The following PKIA variants were observed in gnomAD, a reference collection of about 807,000 sequenced individuals.
The protein encoded by PKIA is cAMP-dependent protein kinase inhibitor alpha.
In PKIA, 4 loss-of-function variants were observed where a neutral mutation model predicts 7.6. The observed-to-expected ratio is 0.52, with a 90% confidence interval of 0.26 to 1.20. The LOEUF (loss-of-function observed/expected upper bound fraction) is 1.20, where lower values mean the gene tolerates loss of function less well. PKIA is among the 50% of genes most tolerant of loss of function. PKIA has a pLI of 0.13. For synonymous variants in PKIA, 21 were observed against 30.7 expected (o/e 0.68, Z 1.04); for missense variants, 73 against 86.2 (o/e 0.85, Z 0.61).
At chr8:78,523,075 T>C (rs1194770303) in intron 1 of PKIA, among the ~76,000 whole-genome samples, 1 of 151,892 alleles carries the variant, frequency 6.6e-6, no homozygotes, top group Non-Finnish European at 1.5e-5. Flanking sequence ...ACAGAAGGCT[T>C]GCTGGAGATT....
intron 1 of PKIA, among the ~76,000 whole-genome samples, chr8:78,545,973 T>C (rs1304908262): frequency 6.6e-6 from 1 of 152,200 alleles, no homozygotes; most frequent in Non-Finnish European, 1.5e-5. Context: ...CCATTCTGTT[T>C]GAATTTAGAT....
chr8:78,579,972 A>G (rs920351553), intron 2 of PKIA, among the ~76,000 whole-genome samples: 1 of 151,996 alleles, frequency 6.6e-6, no homozygotes, highest in African/African-American at 2.4e-5. Flanking sequence ...CACCAGTGGT[A>G]TGCAATTGAG....
At chr8:78,568,945 G>A (rs1807484260) in intron 1 of PKIA, among the ~76,000 whole-genome samples, 1 of 152,104 alleles carries the variant, frequency 6.6e-6, no homozygotes, top group Non-Finnish European at 1.5e-5. Flanking sequence ...TCCCCCACCA[G>A]AGTTGTTGCA....
chr8:78,550,139 C>A (rs1490143974), intron 1 of PKIA, among the ~76,000 whole-genome samples: 1 of 151,978 alleles, frequency 6.6e-6, no homozygotes, highest in Non-Finnish European at 1.5e-5. Flanking sequence ...CTCAATTCTG[C>A]TGAAATAAAA....
Position 78,601,990 on chromosome 8 carries a change from G to A in PKIA, c.*169G>A. 1 of 592,402 alleles carries A rather than the reference G, an allele frequency of 1.7e-6. No homozygotes were observed. Among genetic ancestry groups the A allele is most frequent in the Non-Finnish European group, 3.0e-6 (1 of 335,500 alleles). 36.7% of individuals were successfully genotyped at this position (592,402 alleles called of 1,614,324 possible). A position where few individuals can be genotyped will look rare whatever the true frequency, so the allele number is the denominator to read the frequency against. ...ATGAGGGCAGAGGCTGTGGCTGCAG[G>A]CAGACTTTTCCCTACCTCTGTCATT... is the stretch of plus-strand genomic sequence containing the variant. On this transcript the variant is annotated 3_prime_UTR_variant, in exon 4 of 4. Coordinates refer to ENST00000396418, the MANE Select transcript of PKIA (RefSeq NM_006823.4).
At chr8:78,565,988 T>C (rs987201228) in intron 1 of PKIA, among the ~76,000 whole-genome samples, 1 of 152,002 alleles carries the variant, frequency 6.6e-6, no homozygotes, top group Admixed American at 6.6e-5. Flanking sequence ...AAAGATTTAA[T>C]TATTTAATAA....
At chr8:78,572,254 AAC>A (rs199857230) in intron 1 of PKIA, among the ~76,000 whole-genome samples, 17 of 151,064 alleles carry the variant, frequency 1.1e-4, no homozygotes, top group African/African-American at 2.7e-4. Context: ...GCCAAACACA[AAC>A]ACACACACAC....
At chr8:78,527,987 T>C (rs1806289857) in intron 1 of PKIA, among the ~76,000 whole-genome samples, 1 of 152,130 alleles carries the variant, frequency 6.6e-6, no homozygotes, top group Non-Finnish European at 1.5e-5. Context: ...CTTTGTGAAT[T>C]GTCAGATCTG....
chr8:78,523,080 G>C (rs1053131011), intron 1 of PKIA, among the ~76,000 whole-genome samples: 2 of 151,854 alleles, frequency 1.3e-5, no homozygotes, highest in African/African-American at 4.8e-5. Flanking sequence ...AGGCTTGCTG[G>C]AGATTGCATT....
intron 2 of PKIA, among the ~76,000 whole-genome samples, chr8:78,587,936 C>A (rs1807992324): frequency 6.6e-6 from 1 of 152,086 alleles, no homozygotes; most frequent in African/African-American, 2.4e-5. Flanking sequence ...GTTACTTAAA[C>A]AAGGAGGATC....
In PKIA at chr8:78,601,954, T is replaced by C. The variant is rs1808359484; in HGVS notation, c.*133T>C. 1 of 682,854 alleles carries C rather than the reference T, an allele frequency of 1.5e-6. No individual in the cohort carries two copies. Among genetic ancestry groups the C allele is most frequent in the Non-Finnish European group, 2.5e-6 (1 of 402,212 alleles). 42.3% of individuals were successfully genotyped at this position (682,854 alleles called of 1,614,324 possible). ...CTGCATTGCAGGAACCTGCTCATTA[T>C]CATGTTAAAAATGAGGGCAGAGGCT... On this transcript the variant is annotated 3_prime_UTR_variant, in exon 4 of 4. Transcript: ENST00000396418.
chr8:78,553,429 T>A (rs1807037673), intron 1 of PKIA, among the ~76,000 whole-genome samples: 1 of 151,610 alleles, frequency 6.6e-6, no homozygotes, highest in African/African-American at 2.4e-5. Context: ...CATCTAATAA[T>A]TCTATGTCCA....
chr8:78,530,005 C>G (rs1806354801), intron 1 of PKIA, among the ~76,000 whole-genome samples: 2 of 151,914 alleles, frequency 1.3e-5, no homozygotes, highest in South Asian at 2.1e-4. Flanking sequence ...TTGAAATGTT[C>G]ACTTTTTAGT....
At chr8:78,585,102 C>T (rs529902350) in intron 2 of PKIA, among the ~76,000 whole-genome samples, 1 of 151,932 alleles carries the variant, frequency 6.6e-6, no homozygotes, top group African/African-American at 2.4e-5. Context: ...TATCTTGTTA[C>T]CTTATAAAAA....
intron 3 of PKIA, among the ~76,000 whole-genome samples, chr8:78,601,145 G>C (rs1461516788): frequency 6.6e-6 from 1 of 152,014 alleles, no homozygotes. Flanking sequence ...TATTGGAATT[G>C]TGCACATGTT....
intron 1 of PKIA, among the ~76,000 whole-genome samples, chr8:78,562,601 T>A (rs1005446985): frequency 3.3e-5 from 5 of 152,288 alleles, no homozygotes; most frequent in Middle Eastern, 3.4e-3. Context: ...TGGCTTTGCA[T>A]TTACTGATCC....
At chr8:78,518,530 A>G (rs1809358073) in intron 1 of PKIA, among the ~76,000 whole-genome samples, 1 of 152,238 alleles carries the variant, frequency 6.6e-6, no homozygotes, top group Non-Finnish European at 1.5e-5. Flanking sequence ...TATGAAATAC[A>G]GATTAGTACA....
intron 1 of PKIA, among the ~76,000 whole-genome samples, chr8:78,527,390 CTATG>C (rs1256302899): frequency 6.6e-6 from 1 of 151,822 alleles, no homozygotes; most frequent in African/African-American, 2.4e-5. Context: ...ATATGTGTAT[CTATG>C]TATGTATTCA....
At chr8:78,540,465 T>C (rs1367700006) in intron 1 of PKIA, among the ~76,000 whole-genome samples, 2 of 151,992 alleles carry the variant, frequency 1.3e-5, no homozygotes, top group African/African-American at 4.8e-5. Flanking sequence ...CCAAACAAAT[T>C]GGGGCAGTTC....
Sources: allele counts gnomAD v4.1 joint callset (sites outside exome capture counted in the v4.1 genomes callset), GRCh38; gene constraint gnomAD v4.1.1; transcripts MANE v1.5; gene names NCBI Gene and HGNC (gene_info 2026-07-23, HGNC 2026-07-21).